Variants in ZNF536 observed in about 807,000 individuals in gnomAD.
ZNF536 encodes zinc finger protein 536.
In ZNF536, 13 loss-of-function variants were observed where a neutral mutation model predicts 84.5. That is an observed-to-expected ratio of 0.15 (90% confidence interval 0.10 to 0.24). ZNF536 has a LOEUF of 0.24. Among genes scored for constraint, ZNF536 ranks in the 10% least tolerant of loss-of-function variants. The probability of loss-of-function intolerance (pLI) is 1.00; values close to 1 mark genes in which losing one functional copy is unlikely to be tolerated. For synonymous variants in ZNF536, 811 were observed against 742.5 expected (o/e 1.09, Z -1.50); for missense variants, 1,536 against 1,747.5 (o/e 0.88, Z 2.16).
rs537965465 is a variant in ZNF536, at chr19:30,696,608, C to T, written c.170-14149C>T. Among the ~76,000 whole-genome samples, 3 of 152,326 alleles carry T rather than the reference C, an allele frequency of 2.0e-5. No homozygotes were observed. The South Asian group carries it at 6.2e-4, about 32-fold the overall frequency. On this transcript the variant is annotated intron_variant, in intron 1 of 1. Coordinates refer to the ZNF536 transcript ENST00000592773. ...CAGGCGGGCTGATGGCTCCACTCAT[C>T]AGAGGAGCCTGGGTAAGCAAATAAA... is the stretch of plus-strand genomic sequence containing the variant.
At chr19:30,386,775 A>AT (rs2049359876) in intron 1 of ZNF536, among the ~76,000 whole-genome samples, 1 of 152,214 alleles carries the variant, frequency 6.6e-6, no homozygotes, top group Non-Finnish European at 1.5e-5. Flanking sequence ...AGCCAGGGCT[A>AT]TAGGTATTAG....
chr19:30,551,659 C>A (rs995426485), intron 4 of ZNF536, among the ~76,000 whole-genome samples: 5 of 152,184 alleles, frequency 3.3e-5, no homozygotes, highest in Non-Finnish European at 7.3e-5. Flanking sequence ...AGGGTTCAGG[C>A]CCCTTGTTCC....
chr19:30,404,105 T>C (rs2050168068), intron 1 of ZNF536, among the ~76,000 whole-genome samples: 2 of 148,756 alleles, frequency 1.3e-5, no homozygotes, highest in Non-Finnish European at 3.0e-5. Flanking sequence ...TTCTTATTGC[T>C]AGTCTTGCAA....
intron 1 of ZNF536, among the ~76,000 whole-genome samples, chr19:30,617,268 C>A (rs2048327600): frequency 1.4e-5 from 2 of 147,820 alleles, no homozygotes; most frequent in African/African-American, 4.9e-5. Context: ...TGTTGTCTTT[C>A]ATCCCTCACT....
chr19:30,469,367 G>A (rs752022429), intron 2 of ZNF536, among the ~76,000 whole-genome samples: 6 of 151,980 alleles, frequency 3.9e-5, no homozygotes, highest in South Asian at 4.2e-4. Flanking sequence ...AGCCGAGATC[G>A]TGCCACTGCA....
At chr19:30,646,106 AG>A (rs1430057963) in intron 1 of ZNF536, among the ~76,000 whole-genome samples, 1 of 152,074 alleles carries the variant, frequency 6.6e-6, no homozygotes, top group African/African-American at 2.4e-5. Flanking sequence ...TTTTCAGAGA[AG>A]GTATTCAGCT....
chr19:30,501,924 G>C (rs2054966501), intron 2 of ZNF536, among the ~76,000 whole-genome samples: 1 of 152,212 alleles, frequency 6.6e-6, no homozygotes, highest in East Asian at 1.9e-4. Flanking sequence ...AATGGGCTAA[G>C]GGAGGTAGCT....
intron 1 of ZNF536, among the ~76,000 whole-genome samples, chr19:30,257,403 G>A (rs568958990): frequency 1.3e-5 from 2 of 152,352 alleles, no homozygotes; most frequent in Admixed American, 6.5e-5. Flanking sequence ...ACAGTAAAAG[G>A]TCAAGGCCAA....
At chr19:30,430,856 A>G (rs1252438386) in intron 1 of ZNF536, among the ~76,000 whole-genome samples, 1 of 152,184 alleles carries the variant, frequency 6.6e-6, no homozygotes, top group Non-Finnish European at 1.5e-5. Context: ...TTGTATTTTC[A>G]GTAGAAATGG....
At chr19:30,311,739 T>C (rs557130202) in intron 2 of ZNF536, among the ~76,000 whole-genome samples, 1 of 152,262 alleles carries the variant, frequency 6.6e-6, no homozygotes, top group East Asian at 1.9e-4. Context: ...TAGTTATGTT[T>C]CCCTGAGTCA....
At chr19:30,433,341 A>G (rs1052840248) in intron 1 of ZNF536, among the ~76,000 whole-genome samples, 9 of 152,102 alleles carry the variant, frequency 5.9e-5, no homozygotes, top group Non-Finnish European at 1.5e-5. Context: ...CACTTCCCCA[A>G]TTCAGCTTTT....
intron 1 of ZNF536, among the ~76,000 whole-genome samples, chr19:30,381,082 T>C (rs1015326245): frequency 1.3e-5 from 2 of 152,138 alleles, no homozygotes; most frequent in African/African-American, 4.8e-5. Context: ...CTTGCTATGT[T>C]GCCCAAGTTG....
Position 30,444,552 on chromosome 19 carries a change from G to T in ZNF536, c.990G>T (p.Gln330His), listed in dbSNP as rs781449358. ...EKAHITAESA[Q>H]GQGPNGGGEQ... ...CACACATCACGGCCGAGTCGGCCCA[G>T]GGCCAGGGCCCCAACGGCGGTGGCG... The change falls in exon 2 of 5, where the codon CAG (glutamine) becomes CAT (histidine). Residue 330 changes from glutamine to histidine, a missense_variant. Physicochemically the swap from Gln to His is conservative, Grantham distance 24. Coordinates refer to ENST00000355537, the MANE Select transcript of ZNF536 (RefSeq NM_014717.3). The T allele has an allele frequency of 4.3e-6, 7 of 1,613,394 alleles. No homozygotes were observed. In the South Asian group the frequency reaches 5.5e-5, roughly 13 times the overall value.
chr19:30,378,815 C>T (rs1385195292), intron 1 of ZNF536, among the ~76,000 whole-genome samples: 2 of 152,208 alleles, frequency 1.3e-5, no homozygotes, highest in South Asian at 4.1e-4. Context: ...GATGGCTTGT[C>T]TCTGTTCTGG....
At chr19:30,316,370 C>T (rs7257173) in intron 2 of ZNF536, among the ~76,000 whole-genome samples, 28,016 of 152,164 alleles carry the variant, frequency 0.18, 3,248 homozygotes, top group East Asian at 0.44. Flanking sequence ...ATTCAGAGTA[C>T]AACTAGCTAT....
intron 1 of ZNF536, among the ~76,000 whole-genome samples, chr19:30,423,796 C>T (rs907899898): frequency 1.7e-5 from 2 of 120,794 alleles, no homozygotes; most frequent in Non-Finnish European, 1.7e-5. Flanking sequence ...GCAGCTGTGG[C>T]GGGGAACGGG....
At chr19:30,585,458 G>A (rs2047064027) in intron 1 of ZNF536, among the ~76,000 whole-genome samples, 1 of 152,224 alleles carries the variant, frequency 6.6e-6, no homozygotes, top group African/African-American at 2.4e-5. Flanking sequence ...AGCTTGACAA[G>A]CTCGGCTATT....
At chr19:30,450,965 C>T (rs2052575730) in intron 2 of ZNF536, among the ~76,000 whole-genome samples, 2 of 152,246 alleles carry the variant, frequency 1.3e-5, no homozygotes, top group African/African-American at 4.8e-5. Flanking sequence ...ATATGCAGCC[C>T]TTCGGTCTCT....
chr19:30,226,593 G>A (rs1481367062), upstream of ZNF536, among the ~76,000 whole-genome samples: 5 of 152,060 alleles, frequency 3.3e-5, no homozygotes, highest in Non-Finnish European at 7.4e-5. This position sits in a 1 kb window ranked among gnomAD's most constrained non-coding sequence, Gnocchi z 4.6. Flanking sequence ...AAAGGCCGTG[G>A]CGCCTGCAAG....
Sources: allele counts gnomAD v4.1 joint callset (sites outside exome capture counted in the v4.1 genomes callset), GRCh38; gene constraint gnomAD v4.1.1; non-coding constraint Gnocchi (gnomAD v3.1); transcripts MANE v1.5; gene names NCBI Gene and HGNC (gene_info 2026-07-23, HGNC 2026-07-21).